FARS2: variants seen among roughly 807,000 people sequenced by gnomAD.
FARS2 encodes phenylalanyl-tRNA synthetase 2, mitochondrial.
In FARS2, 40 loss-of-function variants were observed where a neutral mutation model predicts 46.4. The observed-to-expected ratio is 0.86, with a 90% CI of 0.67 to 1.12. FARS2 has a LOEUF of 1.12. Ranked by LOEUF, FARS2 falls within the 50% of genes most tolerant of loss-of-function variation. The pLI, the probability that FARS2 is intolerant of heterozygous loss-of-function variation, is 0.00. For synonymous variants in FARS2, 234 were observed against 214.9 expected (o/e 1.09, Z -0.78); for missense variants, 513 against 567.9 (o/e 0.90, Z 0.98).
chr6:5,618,428 G>A (rs1007585113), intron 6 of FARS2, among the ~76,000 whole-genome samples: 2 of 152,114 alleles, frequency 1.3e-5, no homozygotes, highest in African/African-American at 2.4e-5. Context: ...AAAGAGCGCC[G>A]ACCCTTTCTT....
intron 4 of FARS2, among the ~76,000 whole-genome samples, chr6:5,517,185 G>A (rs1561679108): frequency 6.6e-6 from 1 of 152,138 alleles, no homozygotes; most frequent in East Asian, 1.9e-4. Context: ...GTGTAAAAAA[G>A]CACAGTCTAT....
chr6:5,332,898 T>A (rs1770896042), intron 1 of FARS2, among the ~76,000 whole-genome samples: 1 of 151,894 alleles, frequency 6.6e-6, no homozygotes, highest in Non-Finnish European at 1.5e-5. Context: ...TAGAGAAGAG[T>A]GGATACTGAA....
At chr6:5,633,460 G>C (rs71557576) in intron 6 of FARS2, among the ~76,000 whole-genome samples, 2 of 151,800 alleles carry the variant, frequency 1.3e-5, no homozygotes, top group African/African-American at 4.8e-5. Flanking sequence ...ATTTTTAGTA[G>C]AGATGGGGTT....
At chr6:5,388,648 C>T (rs1053951592) in intron 2 of FARS2, among the ~76,000 whole-genome samples, 2 of 151,646 alleles carry the variant, frequency 1.3e-5, no homozygotes, top group Non-Finnish European at 2.9e-5. Flanking sequence ...GAATTAAGAC[C>T]CTGTTTTAGT....
intron 6 of FARS2, among the ~76,000 whole-genome samples, chr6:5,721,371 A>G (rs1252881143): frequency 6.6e-6 from 1 of 152,216 alleles, no homozygotes; most frequent in African/African-American, 2.4e-5. Context: ...GTGGCTATTC[A>G]TTCTTTGACA....
At chr6:5,378,331 C>G (rs1030122616) in intron 2 of FARS2, among the ~76,000 whole-genome samples, 13 of 152,162 alleles carry the variant, frequency 8.5e-5, no homozygotes, top group African/African-American at 3.1e-4. Context: ...CGATTCCTTC[C>G]CGCTGGAGTG....
chr6:5,674,193 T>TAAAAAAA (rs71540878), intron 6 of FARS2, among the ~76,000 whole-genome samples: 2 of 76,338 alleles, frequency 2.6e-5, no homozygotes, highest in Non-Finnish European at 2.5e-5. Context: ...GCATTCTCAT[T>TAAAAAAA]AAAAAAAAAA....
At chr6:5,468,275 T>TAC (rs1226925169) in intron 4 of FARS2, among the ~76,000 whole-genome samples, 1 of 151,966 alleles carries the variant, frequency 6.6e-6, no homozygotes, top group Non-Finnish European at 1.5e-5. Context: ...CGTGAAAGAT[T>TAC]ACACATCTGT....
At chr6:5,362,923 CTTTCTTTTTTT>C (rs1333749735) in intron 1 of FARS2, among the ~76,000 whole-genome samples, 1 of 114,328 alleles carries the variant, frequency 8.7e-6, no homozygotes, top group East Asian at 3.6e-4. Flanking sequence ...ATTTTTCTTT[CTTTCTTTTTTT>C]TTTTTTTTTT....
At chr6:5,690,284 T>C (rs951543666) in intron 6 of FARS2, among the ~76,000 whole-genome samples, 9 of 152,366 alleles carry the variant, frequency 5.9e-5, no homozygotes, top group Non-Finnish European at 1.3e-4. Context: ...TGCCGTTTCT[T>C]CCTAGCCTCG....
At chr6:5,641,881 C>A (rs1030161909) in intron 6 of FARS2, among the ~76,000 whole-genome samples, 3 of 152,198 alleles carry the variant, frequency 2.0e-5, no homozygotes, top group Admixed American at 2.0e-4. Flanking sequence ...TCTCCACGGT[C>A]ATCATCCTTG....
chr6:5,550,365 T>C (rs187693039), intron 5 of FARS2, among the ~76,000 whole-genome samples: 1 of 152,300 alleles, frequency 6.6e-6, no homozygotes, highest in African/African-American at 2.4e-5. Context: ...AACCTCCACC[T>C]CCCAGGCTTA....
chr6:5,770,873 G>C (rs139935069), intron 6 of FARS2, among the ~76,000 whole-genome samples: 1 of 152,148 alleles, frequency 6.6e-6, no homozygotes, highest in Admixed American at 6.5e-5. Context: ...TCACAAACAC[G>C]GTTACCTTCC....
At chr6:5,402,127 TC>T (rs1387739484) in intron 2 of FARS2, among the ~76,000 whole-genome samples, 2 of 152,094 alleles carry the variant, frequency 1.3e-5, no homozygotes, top group Non-Finnish European at 2.9e-5. Context: ...GTTGTTTTTC[TC>T]CTTTTCTTCA....
chr6:5,747,037 G>A (rs1478616941), intron 6 of FARS2, among the ~76,000 whole-genome samples: 4 of 152,214 alleles, frequency 2.6e-5, no homozygotes, highest in Non-Finnish European at 5.9e-5. Flanking sequence ...ACTGGGAAGA[G>A]CATTCTAGAC....
upstream of FARS2, among the ~76,000 whole-genome samples, chr6:5,256,491 GAAAAAAAAA>G (rs1161084364): frequency 2.3e-5 from 1 of 43,860 alleles, no homozygotes; most frequent in Non-Finnish European, 3.6e-5. Flanking sequence ...ATTTCAACTG[GAAAAAAAAA>G]AAAAAAAAAA....
chr6:5,749,594 T>C (rs1346163235), intron 6 of FARS2, among the ~76,000 whole-genome samples: 1 of 152,236 alleles, frequency 6.6e-6, no homozygotes, highest in Non-Finnish European at 1.5e-5. Flanking sequence ...CCCTGGCCCG[T>C]GCCTTCTGTG....
At chr6:5,653,663 AG>A (rs1777474863) in intron 6 of FARS2, among the ~76,000 whole-genome samples, 1 of 152,230 alleles carries the variant, frequency 6.6e-6, no homozygotes, top group Non-Finnish European at 1.5e-5. Context: ...ACATGAGTTG[AG>A]GGATTTGCAC....
intron 6 of FARS2, among the ~76,000 whole-genome samples, chr6:5,679,598 A>G (rs954283717): frequency 2.6e-5 from 4 of 152,238 alleles, no homozygotes. Flanking sequence ...AAACAGTACA[A>G]TGCCTTTCAA....
Sources: allele counts gnomAD v4.1 joint callset (sites outside exome capture counted in the v4.1 genomes callset), GRCh38; gene constraint gnomAD v4.1.1; transcripts MANE v1.5; gene names NCBI Gene and HGNC (gene_info 2026-07-23, HGNC 2026-07-21).